Variants in SYNDIG1 observed in about 807,000 individuals in gnomAD.
SYNDIG1 encodes the protein synapse differentiation-inducing gene protein 1.
Under a neutral mutation model 19.4 loss-of-function variants are expected in SYNDIG1, and 9 were observed. The observed-to-expected ratio is 0.46, with a 90% CI of 0.28 to 0.81. The LOEUF is 0.81. Among genes scored for constraint, SYNDIG1 ranks in the 30% least tolerant of loss-of-function variants. The pLI, the probability that SYNDIG1 is intolerant of heterozygous loss-of-function variation, is 0.12. For synonymous variants in SYNDIG1, 141 were observed against 145.9 expected, an observed-to-expected ratio of 0.97 and a Z score of 0.24; for missense variants, 311 against 343.3, an observed-to-expected ratio of 0.91 and a Z score of 0.74.
intron 1 of SYNDIG1, among the ~76,000 whole-genome samples, chr20:24,537,551 C>A (rs1467089046): frequency 1.3e-5 from 2 of 151,986 alleles, no homozygotes; most frequent in East Asian, 3.9e-4. Context: ...TCATTCATAA[C>A]TCCTGCTGCC....
chr20:24,513,299 A>G (rs1319672397), intron 1 of SYNDIG1, among the ~76,000 whole-genome samples: 2 of 152,254 alleles, frequency 1.3e-5, no homozygotes, highest in Non-Finnish European at 2.9e-5. Context: ...AGCTGAGAGA[A>G]GAAGGCTTCA....
chr20:24,618,071 G>A (rs1269910496), intron 3 of SYNDIG1, among the ~76,000 whole-genome samples: 1 of 143,502 alleles, frequency 7.0e-6, no homozygotes, highest in Non-Finnish European at 1.5e-5. Context: ...GCCGGGGGAA[G>A]AGGGAGAGCT....
intron 3 of SYNDIG1, among the ~76,000 whole-genome samples, chr20:24,628,141 C>G (rs2059184904): frequency 6.6e-6 from 1 of 152,176 alleles, no homozygotes; most frequent in Admixed American, 6.5e-5. Context: ...GCATGCTCAG[C>G]CCCCTACTTC....
chr20:24,563,112 A>G lies in SYNDIG1; in HGVS notation c.480+19535A>G, dbSNP rs535674911. Among the ~76,000 whole-genome samples, 7 of 152,354 alleles carry G rather than the reference A, an allele frequency of 4.6e-5. No homozygotes were observed. The South Asian group carries it at 1.2e-3, about 27-fold the overall frequency. On this transcript the variant is annotated intron_variant, in intron 2 of 3. Transcript: ENST00000376862. Reference sequence around the variant, plus strand: ...AGTAGTACTCACTGAAACAAAATCCAGTACCAATAAAAAGGATCCTTCAGA... The same window carrying G: ...AGTAGTACTCACTGAAACAAAATCCGGTACCAATAAAAAGGATCCTTCAGA...
intron 1 of SYNDIG1, among the ~76,000 whole-genome samples, chr20:24,476,240 TA>T (rs1313715252): frequency 2.0e-5 from 3 of 151,838 alleles, no homozygotes; most frequent in Admixed American, 1.3e-4. Context: ...AGTACTCTAA[TA>T]ATAGTTTAAT....
At chr20:24,587,759 G>A (rs1056427356) in intron 3 of SYNDIG1, among the ~76,000 whole-genome samples, 8 of 152,118 alleles carry the variant, frequency 5.3e-5, no homozygotes, top group South Asian at 2.1e-4. Flanking sequence ...GATGCACCTG[G>A]GCAAAGAGCA....
chr20:24,515,325 A>G lies in SYNDIG1; in HGVS notation c.-78-27695A>G, dbSNP rs187571954. ...ACACAAAAAACCCTTCAGAAAATCA[A>G]TGAATCCAGGAGCTGGTTTTTTGAA... On this transcript the variant is annotated intron_variant, in intron 1 of 3. Transcript: ENST00000376862. Among the ~76,000 whole-genome samples, 186 of 152,352 alleles carry G rather than the reference A, an allele frequency of 1.2e-3. 1 individual carries two copies. Among genetic ancestry groups the G allele is most frequent in the African/African-American group, 4.3e-3 (178 of 41,590 alleles).
chr20:24,508,026 C>A (rs952669887), intron 1 of SYNDIG1, among the ~76,000 whole-genome samples: 1 of 151,780 alleles, frequency 6.6e-6, no homozygotes, highest in Admixed American at 6.6e-5. Context: ...GGCCAAACTA[C>A]GAAGAAGTGT....
At chr20:24,661,487 A>AGGAGG (rs2059594105) in intron 3 of SYNDIG1, among the ~76,000 whole-genome samples, 10 of 13,442 alleles carry the variant, frequency 7.4e-4, no homozygotes, top group Non-Finnish European at 8.7e-4. Context: ...AGAGGGAGGA[A>AGGAGG]GAAGGGAGGG....
chr20:24,554,120 G>A (rs547226432), intron 2 of SYNDIG1, among the ~76,000 whole-genome samples: 3 of 152,290 alleles, frequency 2.0e-5, no homozygotes, highest in African/African-American at 4.8e-5. Context: ...TTTTATTGGT[G>A]TATAAGAATG....
At chr20:24,557,894 A>G (rs1437008236) in intron 2 of SYNDIG1, among the ~76,000 whole-genome samples, 1 of 152,232 alleles carries the variant, frequency 6.6e-6, no homozygotes, top group Non-Finnish European at 1.5e-5. Context: ...TAGGAGCTGT[A>G]GACCGGAGCT....
At chr20:24,641,124 T>C (rs968042871) in intron 3 of SYNDIG1, among the ~76,000 whole-genome samples, 4 of 152,350 alleles carry the variant, frequency 2.6e-5, no homozygotes, top group African/African-American at 9.6e-5. Flanking sequence ...ATCCAAGAGT[T>C]AGAAGCTGTT....
intron 2 of SYNDIG1, among the ~76,000 whole-genome samples, chr20:24,553,729 G>C (rs1474965394): frequency 2.0e-5 from 3 of 152,212 alleles, no homozygotes; most frequent in African/African-American, 7.2e-5. Flanking sequence ...AGTATAGTTT[G>C]AAGTCAGGTA....
Position 24,584,853 on chromosome 20 carries a change from C to T in SYNDIG1, c.481-3C>T, listed in dbSNP as rs551035613. On this transcript the variant is annotated splice_polypyrimidine_tract_variant and splice_region_variant and intron_variant, in intron 2 of 3. Transcript: ENST00000376862. Reference sequence around the variant, plus strand: ...GTCCTGTCCTGCTGGTTCTCTCTTGCAGAGCGACTACTCAAGCGACACAGA... The same window carrying T: ...GTCCTGTCCTGCTGGTTCTCTCTTGTAGAGCGACTACTCAAGCGACACAGA... The T allele has an allele frequency of 3.7e-6, 6 of 1,614,142 alleles. No individual in the cohort carries two copies. The South Asian group carries it at 5.5e-5, about 15-fold the overall frequency.
intron 3 of SYNDIG1, among the ~76,000 whole-genome samples, chr20:24,661,242 G>A (rs1029256533): frequency 6.6e-6 from 1 of 151,458 alleles, no homozygotes; most frequent in Non-Finnish European, 1.5e-5. Flanking sequence ...TGTGGAGCCT[G>A]GGATGGAGCT....
At chr20:24,605,419 CCTCT>C (rs140897225) in intron 3 of SYNDIG1, among the ~76,000 whole-genome samples, 1 of 151,782 alleles carries the variant, frequency 6.6e-6, no homozygotes. Flanking sequence ...TGGTATCTCT[CCTCT>C]CTCTCTCTCC....
At chr20:24,611,152 CT>C (rs907676921) in intron 3 of SYNDIG1, among the ~76,000 whole-genome samples, 3 of 152,182 alleles carry the variant, frequency 2.0e-5, no homozygotes, top group Non-Finnish European at 1.5e-5. Flanking sequence ...GCTCCCTCCC[CT>C]AGCCCCACCA....
rs1221978118 is a variant in SYNDIG1 at position 24,512,153 on chromosome 20, A to ATATATG, written c.-78-30866_-78-30865insATATGT. Among the ~76,000 whole-genome samples, 9 of 112,804 alleles carry ATATATG rather than the reference A, an allele frequency of 8.0e-5. No homozygotes were observed. In the East Asian group the frequency reaches 2.2e-3, roughly 27 times the overall value. 74.0% of individuals were successfully genotyped at this position (112,804 alleles called of 152,430 possible). A position where few individuals can be genotyped will look rare whatever the true frequency, so the allele number is the denominator to read the frequency against. Reference sequence around the variant, plus strand: ...TATATATATATATATATATATATATATGCAGTGGTTCCAAGATGGCCGAAT... The same window carrying ATATATG: ...TATATATATATATATATATATATATATATATGTGCAGTGGTTCCAAGATGGCCGAAT... On this transcript the variant is annotated intron_variant, in intron 1 of 3. Coordinates refer to ENST00000376862, the MANE Select transcript of SYNDIG1 (RefSeq NM_024893.3).
At chr20:24,563,822 C>A (rs2057990278) in intron 2 of SYNDIG1, among the ~76,000 whole-genome samples, 1 of 152,152 alleles carries the variant, frequency 6.6e-6, no homozygotes, top group Non-Finnish European at 1.5e-5. Flanking sequence ...AGGCTGATCT[C>A]ACACTTTTGG....
Sources: allele counts gnomAD v4.1 joint callset (sites outside exome capture counted in the v4.1 genomes callset), GRCh38; gene constraint gnomAD v4.1.1; transcripts MANE v1.5; gene names NCBI Gene and HGNC (gene_info 2026-07-23, HGNC 2026-07-21).